DACH1: variants seen among roughly 807,000 people sequenced by gnomAD.
DACH1 encodes the protein dachshund homolog 1.
In DACH1, 12 loss-of-function variants were observed where a neutral mutation model predicts 54.2. The ratio of observed to expected loss-of-function variants is 0.22; its 90% CI spans 0.14 to 0.36. DACH1 has a LOEUF of 0.36. DACH1 is among the 10% of genes least tolerant of loss of function. The pLI, the probability that DACH1 is intolerant of heterozygous loss-of-function variation, is 1.00. For missense variants in DACH1, 805 were observed against 929.8 expected (o/e 0.87, Z 1.75); for synonymous variants, 386 against 366.2 (o/e 1.05, Z -0.62).
intron 6 of DACH1, among the ~76,000 whole-genome samples, chr13:71,531,898 A>C (rs1882441221): frequency 6.6e-6 from 1 of 152,046 alleles, no homozygotes; most frequent in South Asian, 2.1e-4. Context: ...ATATTTTTAT[A>C]TCATTCTTTT....
At chr13:71,827,154 GTC>G (rs1341359112) in intron 1 of DACH1, among the ~76,000 whole-genome samples, 1 of 151,996 alleles carries the variant, frequency 6.6e-6, no homozygotes, top group East Asian at 1.9e-4. Context: ...CTGCCTTAGA[GTC>G]CAAACTCCAG....
chr13:71,605,831 C>G (rs559164182), intron 3 of DACH1, among the ~76,000 whole-genome samples: 2 of 151,846 alleles, frequency 1.3e-5, no homozygotes, highest in Non-Finnish European at 2.9e-5. Context: ...CAGATTCTCA[C>G]CCCGTGTAAT....
intron 1 of DACH1, among the ~76,000 whole-genome samples, chr13:71,700,038 T>A (rs1349321667): frequency 6.6e-6 from 1 of 152,192 alleles, no homozygotes; most frequent in Non-Finnish European, 1.5e-5. Context: ...ACTATTTGCT[T>A]GACCACTTAG....
intron 1 of DACH1, among the ~76,000 whole-genome samples, chr13:71,770,610 C>T (rs1405540180): frequency 6.6e-6 from 1 of 151,500 alleles, no homozygotes; most frequent in Admixed American, 6.6e-5. Flanking sequence ...ACATAATAGG[C>T]TTTATTATAA....
At chr13:71,648,169 A>C (rs1864714369) in intron 2 of DACH1, among the ~76,000 whole-genome samples, 1 of 152,190 alleles carries the variant, frequency 6.6e-6, no homozygotes, top group Non-Finnish European at 1.5e-5. Context: ...ATTACTATAC[A>C]ATCAAATATA....
chr13:71,828,004 A>G (rs1888444026), intron 1 of DACH1, among the ~76,000 whole-genome samples: 1 of 151,984 alleles, frequency 6.6e-6, no homozygotes, highest in Non-Finnish European at 1.5e-5. Context: ...TTCTTCTGAT[A>G]GCTTTTGATT....
intron 1 of DACH1, among the ~76,000 whole-genome samples, chr13:71,722,747 G>A (rs1254463671): frequency 6.6e-6 from 1 of 152,092 alleles, no homozygotes; most frequent in Non-Finnish European, 1.5e-5. Flanking sequence ...GGGTCAGAAG[G>A]TACAGGTTTC....
chr13:71,456,116 T>G (rs1436747333), intron 10 of DACH1, among the ~76,000 whole-genome samples: 2 of 152,136 alleles, frequency 1.3e-5, no homozygotes, highest in African/African-American at 2.4e-5. Context: ...ACTATGGACT[T>G]ATAATTTACA....
At chr13:71,561,370 C>T (rs1884572334) in intron 4 of DACH1, among the ~76,000 whole-genome samples, 3 of 152,158 alleles carry the variant, frequency 2.0e-5, no homozygotes, top group Admixed American at 6.5e-5. Context: ...AAGATGAGAA[C>T]ATACTGGATT....
At chr13:71,513,817 T>C (rs1246517198) in intron 6 of DACH1, among the ~76,000 whole-genome samples, 1 of 152,076 alleles carries the variant, frequency 6.6e-6, no homozygotes, top group African/African-American at 2.4e-5. Context: ...CCAGTCCATA[T>C]GGTAGATTTG....
intron 6 of DACH1, among the ~76,000 whole-genome samples, chr13:71,515,804 C>T (rs1324589532): frequency 6.6e-6 from 1 of 151,842 alleles, no homozygotes; most frequent in Non-Finnish European, 1.5e-5. Flanking sequence ...ATATCCTATC[C>T]ATCAATTCTT....
In DACH1 at chr13:71,584,326, C is replaced by T. The variant is rs556089864; in HGVS notation, c.1127-11314G>A. ...TCTTCTTTGATTTTGAAATTTTGCT[C>T]TGTGAGCTTCCTATGAAGAGTTGCT... is the stretch of plus-strand genomic sequence containing the variant. On this transcript the variant is annotated intron_variant, in intron 3 of 10. Coordinates refer to ENST00000613252, the MANE Select transcript of DACH1 (RefSeq NM_080759.6). Among the ~76,000 whole-genome samples, 25 of 152,280 alleles carry T rather than the reference C, an allele frequency of 1.6e-4. No individual in the cohort carries two copies. The South Asian group carries it at 5.0e-3, about 30-fold the overall frequency.
chr13:71,669,365 C>T (rs1880074684), intron 2 of DACH1, among the ~76,000 whole-genome samples: 1 of 152,118 alleles, frequency 6.6e-6, no homozygotes, highest in Admixed American at 6.5e-5. Context: ...GATCAGGAAC[C>T]CTATTGTGAA....
chr13:71,640,742 T>C (rs914712105), intron 2 of DACH1, among the ~76,000 whole-genome samples: 6 of 152,122 alleles, frequency 3.9e-5, no homozygotes, highest in East Asian at 1.9e-4. Flanking sequence ...ATGAGAGTGA[T>C]TGAAAGTGTG....
chr13:71,487,862 A>G (rs1878664678), intron 7 of DACH1, among the ~76,000 whole-genome samples: 1 of 152,192 alleles, frequency 6.6e-6, no homozygotes, highest in Admixed American at 6.5e-5. Flanking sequence ...TCTTATAATA[A>G]ACAATAATAT....
At chr13:71,573,988 A>C (rs915204284) in intron 3 of DACH1, among the ~76,000 whole-genome samples, 6 of 152,208 alleles carry the variant, frequency 3.9e-5, no homozygotes, top group Admixed American at 3.9e-4. Context: ...ATTACACAGC[A>C]AATCCAAAAA....
At chr13:71,560,397 A>G (rs1884511928) in intron 4 of DACH1, among the ~76,000 whole-genome samples, 1 of 152,188 alleles carries the variant, frequency 6.6e-6, no homozygotes, top group South Asian at 2.1e-4. Flanking sequence ...CCATAATAAT[A>G]ATACCAGAGG....
intron 3 of DACH1, among the ~76,000 whole-genome samples, chr13:71,586,713 C>T (rs916640835): frequency 3.3e-5 from 5 of 151,906 alleles, no homozygotes; most frequent in Non-Finnish European, 7.4e-5. Context: ...TATATACATG[C>T]AGAAAGTACT....
chr13:71,585,399 A>G (rs1873169591), intron 3 of DACH1, among the ~76,000 whole-genome samples: 1 of 152,170 alleles, frequency 6.6e-6, no homozygotes, highest in Non-Finnish European at 1.5e-5. Context: ...ATTTTACAGC[A>G]AAGGAAGCTG....
Sources: allele counts gnomAD v4.1 joint callset (sites outside exome capture counted in the v4.1 genomes callset), GRCh38; gene constraint gnomAD v4.1.1; transcripts MANE v1.5; gene names NCBI Gene and HGNC (gene_info 2026-07-23, HGNC 2026-07-21).